The following CDH12 variants were observed in gnomAD, a reference collection of about 807,000 sequenced individuals.
The protein encoded by CDH12 is cadherin 12, also known as cadherin-12.
In CDH12, 41 loss-of-function variants were observed where a neutral mutation model predicts 74.1. That is an observed-to-expected ratio of 0.55 (90% CI 0.43 to 0.72). The LOEUF (loss-of-function observed/expected upper bound fraction) is 0.72. Ranked by LOEUF, CDH12 falls within the 30% of genes least tolerant of loss-of-function variation. The pLI is 0.00. For synonymous variants in CDH12, 399 were observed against 355.0 expected (o/e 1.12, Z -1.39); for missense variants, 945 against 977.2 (o/e 0.97, Z 0.44).
chr5:22,144,149 G>A (rs972353503), intron 4 of CDH12: 9 of 152,230 alleles, frequency 5.9e-5, no homozygotes, highest in African/African-American at 2.2e-4. Context: ...ATCTACTCAA[G>A]TAAGTGCAAA....
intron 3 of CDH12, among the ~76,000 whole-genome samples, chr5:22,246,937 A>C (rs1408281143): frequency 6.6e-6 from 1 of 152,204 alleles, no homozygotes; most frequent in East Asian, 1.9e-4. Context: ...GAAGAAACAA[A>C]AGGATAACGT....
intron 3 of CDH12, among the ~76,000 whole-genome samples, chr5:22,384,491 A>C (rs1741908598): frequency 1.6e-5 from 2 of 125,122 alleles, no homozygotes; most frequent in African/African-American, 5.9e-5. Context: ...GCACCACTGC[A>C]CTCCCGCCTG....
intron 1 of CDH12, among the ~76,000 whole-genome samples, chr5:22,665,272 A>G (rs1740554656): frequency 6.6e-6 from 1 of 152,150 alleles, no homozygotes; most frequent in Non-Finnish European, 1.5e-5. Context: ...TTCTCAATAT[A>G]TTGATTGTAT....
At chr5:22,080,125 C>T (rs138896644) in intron 4 of CDH12, among the ~76,000 whole-genome samples, 53 of 151,980 alleles carry the variant, frequency 3.5e-4, no homozygotes, top group African/African-American at 1.2e-3. Context: ...CGTTGGAAGC[C>T]AGAAAATATA....
chr5:22,356,108 G>A (rs1740553294), intron 3 of CDH12, among the ~76,000 whole-genome samples: 1 of 151,926 alleles, frequency 6.6e-6, no homozygotes, highest in African/African-American at 2.4e-5. Context: ...AAACATTCCT[G>A]CCATAAGACT....
intron 4 of CDH12, among the ~76,000 whole-genome samples, chr5:22,185,870 A>G (rs1749911505): frequency 6.6e-6 from 1 of 152,232 alleles, no homozygotes; most frequent in Non-Finnish European, 1.5e-5. Flanking sequence ...GGCGTATGAA[A>G]GGAAGAAAAT....
intron 4 of CDH12, among the ~76,000 whole-genome samples, chr5:22,183,338 G>C (rs1012628508): frequency 6.6e-6 from 1 of 152,132 alleles, no homozygotes; most frequent in Admixed American, 6.5e-5. Context: ...GTTGTTATTG[G>C]AGCTAGACAG....
intron 9 of CDH12, among the ~76,000 whole-genome samples, chr5:21,810,199 TTAAG>T (rs1372260194): frequency 2.6e-5 from 4 of 152,122 alleles, no homozygotes; most frequent in South Asian, 2.1e-4. Context: ...AGAAACTGAT[TTAAG>T]TAAGATGAAC....
chr5:22,352,117 C>T (rs1323157409), intron 3 of CDH12, among the ~76,000 whole-genome samples: 1 of 150,738 alleles, frequency 6.6e-6, no homozygotes, highest in South Asian at 2.1e-4. Flanking sequence ...GAATCATTTG[C>T]TTAGACTTGT....
chr5:22,438,264 A>G (rs1192195769), intron 2 of CDH12, among the ~76,000 whole-genome samples: 1 of 152,052 alleles, frequency 6.6e-6, no homozygotes, highest in Non-Finnish European at 1.5e-5. Flanking sequence ...ACAACAAATT[A>G]TAGCATTTTG....
At chr5:22,521,290 T>C (rs1037432034) in intron 1 of CDH12, among the ~76,000 whole-genome samples, 1 of 151,952 alleles carries the variant, frequency 6.6e-6, no homozygotes, top group African/African-American at 2.4e-5. Context: ...ATATATGAAT[T>C]GCATTTTTAA....
chr5:22,469,180 T>G (rs1412324511), intron 2 of CDH12, among the ~76,000 whole-genome samples: 1 of 152,188 alleles, frequency 6.6e-6, no homozygotes, highest in Non-Finnish European at 1.5e-5. Flanking sequence ...AAGTATACTC[T>G]CCACCAAGTG....
chr5:21,956,849 T>A (rs1756122212), intron 6 of CDH12, among the ~76,000 whole-genome samples: 1 of 152,298 alleles, frequency 6.6e-6, no homozygotes, highest in African/African-American at 2.4e-5. Context: ...TTCCCCCAAG[T>A]AATTGAAAAT....
chr5:21,846,718 GA>G (rs1222654327), intron 7 of CDH12, among the ~76,000 whole-genome samples: 1 of 151,956 alleles, frequency 6.6e-6, no homozygotes, highest in Non-Finnish European at 1.5e-5. Flanking sequence ...TTTTGCAAAA[GA>G]AGAAGTTTGT....
At chr5:21,828,044 T>C (rs1490083581) in intron 8 of CDH12, among the ~76,000 whole-genome samples, 1 of 152,094 alleles carries the variant, frequency 6.6e-6, no homozygotes, top group East Asian at 1.9e-4. Flanking sequence ...TACAAAAATA[T>C]GCCACAAGCA....
intron 6 of CDH12, among the ~76,000 whole-genome samples, chr5:21,943,622 G>C (rs912665923): frequency 2.0e-5 from 3 of 152,132 alleles, no homozygotes; most frequent in Non-Finnish European, 4.4e-5. Flanking sequence ...AATAAGAATG[G>C]ATTATACTTA....
At chr5:21,959,898 C>G (rs1756274630) in intron 6 of CDH12, among the ~76,000 whole-genome samples, 1 of 146,840 alleles carries the variant, frequency 6.8e-6, no homozygotes, top group Admixed American at 6.8e-5. Context: ...TGCACTATAG[C>G]CTGGCGACAG....
chr5:22,513,368 A>C (rs937266196), intron 1 of CDH12, among the ~76,000 whole-genome samples: 4 of 151,512 alleles, frequency 2.6e-5, no homozygotes, highest in Non-Finnish European at 5.9e-5. Context: ...AGTTGACAAC[A>C]GGTTCAAAAA....
chr5:22,728,341 T>C (rs575712540), intron 1 of CDH12, among the ~76,000 whole-genome samples: 11 of 151,988 alleles, frequency 7.2e-5, no homozygotes, highest in South Asian at 4.1e-4. Flanking sequence ...AGGTAGTTAT[T>C]TTAAATTCTA....
Sources: allele counts gnomAD v4.1 joint callset (sites outside exome capture counted in the v4.1 genomes callset), GRCh38; gene constraint gnomAD v4.1.1; transcripts MANE v1.5; gene names NCBI Gene and HGNC (gene_info 2026-07-23, HGNC 2026-07-21).